TAOK2: variants seen among roughly 807,000 people sequenced by gnomAD.
TAOK2 encodes serine/threonine-protein kinase TAO2.
A neutral mutation model predicts 122.5 loss-of-function variants in TAOK2; 42 were observed. The ratio of observed to expected loss-of-function variants is 0.34; its 90% CI spans 0.27 to 0.44. The LOEUF is 0.44. Ranked by LOEUF, TAOK2 falls within the 20% of genes least tolerant of loss-of-function variation. TAOK2 has a pLI of 1.00. For synonymous variants in TAOK2, 704 were observed against 677.6 expected (o/e 1.04, Z -0.61); for missense variants, 1,264 against 1,644.9 (o/e 0.77, Z 4.01).
chr16:29,987,570 C>T lies in TAOK2; in HGVS notation c.3298C>T (p.Leu1100=), dbSNP rs2069847955. ...LRLSPMAFRA[L]QGCGAVGDRG... ...CCTGTCACCCATGGCCTTCCGGGCC[C>T]TGCAGGGCTGTGGGGCTGTGGGGGA... The change falls in exon 16 of 16, where the codon CTG becomes TTG. Residue 1100 remains leucine (L), a synonymous_variant. Transcript: ENST00000308893. The T allele has an allele frequency of 1.2e-6, 2 of 1,612,744 alleles. No homozygotes were observed. Among genetic ancestry groups the T allele is most frequent in the African/African-American group, 1.3e-5 (1 of 74,880 alleles).
chr16:29,986,795 T>A lies in TAOK2; in HGVS notation c.2523T>A (p.Gly841=). The change falls in exon 16 of 16, where the codon GGT becomes GGA. Residue 841 remains glycine (G), a synonymous_variant. Coordinates refer to ENST00000308893, the MANE Select transcript of TAOK2 (RefSeq NM_016151.4). This position sits in a 1 kb window ranked among gnomAD's most constrained non-coding sequence, Gnocchi z 4.2. Reference sequence around the variant, plus strand: ...GCCTGGTTGATGAGGAAGTTTGGGGTCTGCCTGAGGAGATAGAGGAGCTTA... The same window carrying A: ...GCCTGGTTGATGAGGAAGTTTGGGGACTGCCTGAGGAGATAGAGGAGCTTA... ...HGSLVDEEVW[G]LPEEIEELRV... The A allele has an allele frequency of 6.2e-7, 1 of 1,613,678 alleles. No homozygotes were observed. Among genetic ancestry groups the A allele is most frequent in the African/African-American group, 1.3e-5 (1 of 74,934 alleles).
downstream of TAOK2, chr16:29,990,954 G>A (rs2069952040): frequency 3.1e-6 from 5 of 1,611,362 alleles, no homozygotes; most frequent in Non-Finnish European, 3.4e-6. Context: ...GGCGGGCACT[G>A]CTGGAGCAGC....
rs946669621 is a variant in TAOK2, at chr16:29,981,364, C to T, written c.656-297C>T. On this transcript the variant is annotated intron_variant, in intron 8 of 15. Coordinates refer to ENST00000308893, the MANE Select transcript of TAOK2 (RefSeq NM_016151.4). Reference sequence around the variant, plus strand: ...ATCAAGTTATCTGCTCCCTTTGGCACCTAAGAAATATTAGTTGGGGTGATA... The same window carrying T: ...ATCAAGTTATCTGCTCCCTTTGGCATCTAAGAAATATTAGTTGGGGTGATA... The T allele has an allele frequency of 6.8e-6, 4 of 586,278 alleles. No individual in the cohort carries two copies. The African/African-American group carries it at 7.5e-5, about 11-fold the overall frequency. The allele number at this position is 586,278 out of a possible 1,614,324, so 36.3% of individuals were successfully genotyped here. A position where few individuals can be genotyped will look rare whatever the true frequency, so the allele number is the denominator to read the frequency against.
downstream of TAOK2, chr16:29,991,591 G>A (rs1165562122): frequency 9.6e-6 from 14 of 1,453,602 alleles, no homozygotes; most frequent in Non-Finnish European, 8.2e-6. The surrounding 1 kb of genome is among the most constrained non-coding windows in gnomAD (Gnocchi z 5.6). Context: ...AGGAGCAGAT[G>A]AGCTGGGCAG....
In TAOK2 at chr16:29,979,240, G is replaced by A; in HGVS notation, c.495G>A (p.Val165=). 2 of 1,614,244 alleles carry A rather than the reference G, an allele frequency of 1.2e-6. No homozygotes were observed. The highest frequency in any genetic ancestry group is 1.7e-6 in the Non-Finnish European group (2 of 1,180,044). ...GNILLSEPGL[V]KLGDFGSASI... is the part of the protein sequence containing the mutation. The stretch of plus-strand genomic sequence containing the variant: ...TCCTGCTGTCAGAGCCAGGGTTAGT[G>A]AAGCTAGGGGACTTTGGTTCTGCGT... Residue 165 remains valine (V), a synonymous_variant, in exon 7 of 16, where the codon GTG becomes GTA. Transcript: ENST00000308893. The surrounding 1 kb of genome is among the most constrained non-coding windows in gnomAD (Gnocchi z 4.1).
chr16:29,975,725 G>C (rs962990814), intron 1 of TAOK2, among the ~76,000 whole-genome samples: 1 of 152,216 alleles, frequency 6.6e-6, no homozygotes, highest in African/African-American at 2.4e-5. Context: ...AAGCCAAGCT[G>C]TTGGGGTAGA....
chr16:29,979,146 C>A lies in TAOK2; in HGVS notation c.450-49C>A. 6.2e-7 allele frequency: 1 copy of A among 1,613,460 alleles called. No individual in the cohort carries two copies. The highest frequency in any genetic ancestry group is 2.2e-5 in the East Asian group (1 of 44,888). On this transcript the variant is annotated intron_variant, in intron 6 of 15. Transcript: ENST00000308893. The surrounding 1 kb of genome is among the most constrained non-coding windows in gnomAD (Gnocchi z 4.1). ...TGTCACTTAGCTGGGCTGCCCCTGC[C>A]TAGCTTTCTTGAGACACATGTCTCA... is the stretch of plus-strand genomic sequence containing the variant.
At chr16:29,975,877 A>G (rs1352753474) in intron 1 of TAOK2, among the ~76,000 whole-genome samples, 2 of 152,144 alleles carry the variant, frequency 1.3e-5, no homozygotes, top group African/African-American at 4.8e-5. Flanking sequence ...AATCCATTTC[A>G]CTGAAGAGAA....
At chr16:29,991,618 G>T, downstream of TAOK2, 1 of 1,430,444 alleles carries the variant, frequency 7.0e-7, no homozygotes, top group Non-Finnish European at 9.2e-7. The surrounding 1 kb of genome is among the most constrained non-coding windows in gnomAD (Gnocchi z 5.6). Flanking sequence ...GGTGGGTGGA[G>T]CCTGACCCTG....
chr16:29,990,085 G>C, downstream of TAOK2: 1 of 384,090 alleles, frequency 2.6e-6, no homozygotes, highest in Non-Finnish European at 4.9e-6. Context: ...TCCTGGGCCT[G>C]AGTTAGTTTA....
intron 10 of TAOK2, 87 bp downstream of exon 10, chr16:29,982,027 C>A: frequency 1.8e-6 from 2 of 1,114,098 alleles, no homozygotes; most frequent in South Asian, 1.3e-5. Flanking sequence ...GTTCCCAGTT[C>A]CTCCTCCACC....
In TAOK2 at chr16:29,978,854, T is replaced by G. The variant is rs1596597429; in HGVS notation, c.352+10T>G. ...TCTGACCTTCTAGAAGGTAAGTGAC[T>G]GATAGGCCAATAAGTGGAGAAGGGA... On this transcript the variant is annotated intron_variant, in intron 5 of 15. Transcript: ENST00000308893. 6.2e-7 allele frequency: 1 copy of G among 1,613,968 alleles called. No individual in the cohort carries two copies.
In TAOK2 at chr16:29,974,621, G is replaced by C. The variant is rs1275383791; in HGVS notation, c.-63G>C. ...GAGGACCCCAGGCGGAAGCGGAGGCGCTGGGGCACCATAGTGACCCCTACC... is the reference window on the plus strand; with the variant it reads ...GAGGACCCCAGGCGGAAGCGGAGGCCCTGGGGCACCATAGTGACCCCTACC... On this transcript the variant is annotated 5_prime_UTR_variant, in exon 1 of 16. Coordinates refer to ENST00000308893, the MANE Select transcript of TAOK2 (RefSeq NM_016151.4). 2 of 152,650 alleles carry C rather than the reference G, an allele frequency of 1.3e-5. No individual in the cohort carries two copies. Among genetic ancestry groups the C allele is most frequent in the Non-Finnish European group, 2.9e-5 (2 of 68,064 alleles). 9.5% of individuals were successfully genotyped at this position (152,650 alleles called of 1,614,324 possible).
At chr16:29,980,507 T>C (rs1475615997) in intron 8 of TAOK2, 1 of 152,258 alleles carries the variant, frequency 6.6e-6, no homozygotes, top group Non-Finnish European at 1.5e-5. Context: ...GAGGCTTTGC[T>C]TCGTAAATGC....
downstream of TAOK2, chr16:29,989,932 C>G: frequency 1.2e-6 from 1 of 812,110 alleles, no homozygotes; most frequent in Non-Finnish European, 1.9e-6. Context: ...ACATACTCTC[C>G]CTCTGTTCGT....
rs1314022526 is a variant in TAOK2 at position 29,987,297 on chromosome 16, G to A, written c.3025G>A (p.Ala1009Thr). 12 of 1,527,262 alleles carry A rather than the reference G, an allele frequency of 7.9e-6. No individual in the cohort carries two copies. The Admixed American group carries it at 2.0e-4, about 25-fold the overall frequency. 94.6% of individuals were successfully genotyped at this position (1,527,262 alleles called of 1,614,324 possible). A position where few individuals can be genotyped will look rare whatever the true frequency, so the allele number is the denominator to read the frequency against. ...LGASYLLLCT[A>T]LHLPSSLFLL... ...GGCCTCCTACCTGCTCCTTTGTACAGCCCTGCACCTGCCCTCCAGTCTTTT... is the reference window on the plus strand; with the variant it reads ...GGCCTCCTACCTGCTCCTTTGTACAACCCTGCACCTGCCCTCCAGTCTTTT... Residue 1009 changes from alanine to threonine, a missense_variant, in exon 16 of 16, where the codon GCC becomes ACC. Around this residue, in one of 4 missense-constraint regions of TAOK2, gnomAD observed 824 missense variants for 908.7 expected, o/e 0.91. Transcript: ENST00000308893.
Position 29,985,504 on chromosome 16 carries a change from CAGA to C in TAOK2, c.1720_1722del (p.Lys574del). 6.2e-7 allele frequency: 1 copy of C among 1,611,638 alleles called. No homozygotes were observed. The highest frequency in any genetic ancestry group is 8.5e-7 in the Non-Finnish European group (1 of 1,178,782). On this transcript the variant is annotated inframe_deletion, in exon 14 of 16. Coordinates refer to ENST00000308893, the MANE Select transcript of TAOK2 (RefSeq NM_016151.4). The surrounding 1 kb of genome is among the most constrained non-coding windows in gnomAD (Gnocchi z 6.9). ...GTTCCAGCAGCACATCCTTGGGCAGCAGAAGAAGGAGCTGGCTGCCCTGCTGGA... is the reference window on the plus strand; with the variant it reads ...GTTCCAGCAGCACATCCTTGGGCAGCAGAAGGAGCTGGCTGCCCTGCTGGA...
Position 29,986,813 on chromosome 16 carries a change from G to A in TAOK2, c.2541G>A (p.Glu847=), listed in dbSNP as rs2069813856. ...EEVWGLPEEI[E]ELRVPSLVPQ... ...TTTGGGGTCTGCCTGAGGAGATAGA[G>A]GAGCTTAGGGTGCCCTCCCTTGTAC... is the stretch of plus-strand genomic sequence containing the variant. Residue 847 remains glutamate (E), a synonymous_variant, in exon 16 of 16, where the codon GAG becomes GAA. Transcript: ENST00000308893. This position sits in a 1 kb window ranked among gnomAD's most constrained non-coding sequence, Gnocchi z 4.2. The A allele has an allele frequency of 1.2e-6, 2 of 1,613,986 alleles. No individual in the cohort carries two copies. Among genetic ancestry groups the A allele is most frequent in the South Asian group, 1.1e-5 (1 of 91,074 alleles).
At chr16:29,990,901 C>T (rs776077307), downstream of TAOK2, 1 of 1,613,660 alleles carries the variant, frequency 6.2e-7, no homozygotes, top group African/African-American at 1.3e-5. Flanking sequence ...AGAGAGCCAG[C>T]ACGAGAGGGA....
Sources: gnomAD v4.1 joint callset for allele counts (sites outside exome capture counted in the v4.1 genomes callset) on GRCh38, gnomAD v4.1.1 for gene constraint, gnomAD v4.1.1 regional missense constraint, Gnocchi (gnomAD v3.1) non-coding constraint, MANE v1.5 for transcripts, NCBI Gene and HGNC (gene_info 2026-07-23, HGNC 2026-07-21) for gene names.